Variants in NHEJ1 observed in about 807,000 individuals in gnomAD.
NHEJ1 encodes non-homologous end joining factor 1, also known as non-homologous end-joining factor 1.
A neutral mutation model predicts 39.4 loss-of-function variants in NHEJ1; 22 were observed. The observed-to-expected ratio is 0.56, with a 90% CI of 0.40 to 0.80. The LOEUF (loss-of-function observed/expected upper bound fraction) is 0.80. Among genes scored for constraint, NHEJ1 ranks in the 30% least tolerant of loss-of-function variants. The pLI is 0.00. For synonymous variants in NHEJ1, 154 were observed against 135.6 expected, an observed-to-expected ratio of 1.14 and a Z score of -0.94; for missense variants, 329 against 357.1, an observed-to-expected ratio of 0.92 and a Z score of 0.63.
chr2:219,128,432 T>A (rs906180199), intron 5 of NHEJ1, among the ~76,000 whole-genome samples: 2 of 152,054 alleles, frequency 1.3e-5, no homozygotes, highest in African/African-American at 4.8e-5. Context: ...ATAGGTCTGG[T>A]GGTAGGGGGG....
At chr2:219,143,125 G>A (rs1356138232) in intron 5 of NHEJ1, among the ~76,000 whole-genome samples, 1 of 152,090 alleles carries the variant, frequency 6.6e-6, no homozygotes, top group Non-Finnish European at 1.5e-5. Flanking sequence ...ATGGCCCTCT[G>A]ACACCAGCCC....
intron 5 of NHEJ1, among the ~76,000 whole-genome samples, chr2:219,113,573 A>G (rs1246301045): frequency 2.0e-5 from 3 of 152,186 alleles, no homozygotes; most frequent in Non-Finnish European, 4.4e-5. Context: ...ATAAGTGATA[A>G]GCCTCCAAGT....
intron 5 of NHEJ1, among the ~76,000 whole-genome samples, chr2:219,088,958 G>A (rs556693274): frequency 2.6e-5 from 4 of 151,930 alleles, no homozygotes; most frequent in South Asian, 4.2e-4. Flanking sequence ...GACTACAGGC[G>A]CCCACCACCA....
At chr2:219,084,476 GT>G (rs1334618876) in intron 5 of NHEJ1, among the ~76,000 whole-genome samples, 3 of 152,166 alleles carry the variant, frequency 2.0e-5, no homozygotes, top group African/African-American at 7.2e-5. Flanking sequence ...CCAGTAACCT[GT>G]GGGTAATTCA....
At position 219,117,135 on chromosome 2, in the gene NHEJ1, A is replaced by G. The variant is rs1043926504; in HGVS notation, c.588+29545T>C. ...CCTATCTGCCTGCATCGCCTTTACA[A>G]GCCTCCCAGCCCTGCAGACCATTAT... On this transcript the variant is annotated intron_variant, in intron 5 of 7. Coordinates refer to ENST00000356853, the MANE Select transcript of NHEJ1 (RefSeq NM_024782.3). 2.0e-5 allele frequency among the ~76,000 whole-genome samples: 3 copies of G among 152,014 alleles called. No individual in the cohort carries two copies. The South Asian group carries it at 6.2e-4, about 32-fold the overall frequency.
intron 5 of NHEJ1, among the ~76,000 whole-genome samples, chr2:219,092,235 A>G (rs1473550413): frequency 5.9e-5 from 9 of 151,962 alleles, no homozygotes; most frequent in Admixed American, 2.0e-4. Context: ...TCAAGGCTGC[A>G]GTGAGCTGTG....
At chr2:219,137,227 A>G (rs557026245) in intron 5 of NHEJ1, among the ~76,000 whole-genome samples, 48 of 152,290 alleles carry the variant, frequency 3.2e-4, no homozygotes, top group Non-Finnish European at 5.4e-4. Context: ...TCCAGAGCTC[A>G]AATACTGGTA....
intron 1 of NHEJ1, chr2:219,160,514 ACT>A (rs1409778163): frequency 1.3e-5 from 2 of 152,000 alleles, no homozygotes; most frequent in Admixed American, 6.5e-5. Flanking sequence ...GAGTACCTTC[ACT>A]CGAGCCCTAC....
chr2:219,160,654 C>G (rs931366907), intron 1 of NHEJ1, 66 bp downstream of exon 1: 1 of 152,270 alleles, frequency 6.6e-6, no homozygotes, highest in Non-Finnish European at 1.5e-5. Flanking sequence ...CCAGGGCCAA[C>G]CCGCAGCGTC....
At chr2:219,110,558 T>A (rs906572090) in intron 5 of NHEJ1, among the ~76,000 whole-genome samples, 2 of 144,296 alleles carry the variant, frequency 1.4e-5, no homozygotes, top group African/African-American at 5.1e-5. Context: ...GTATATTGGG[T>A]TATGGTAAGT....
rs59843524 is a variant in NHEJ1, at chr2:219,135,043, T to TAAAAAAA, written c.588+11630_588+11636dup. ...AACAAAAGTGAAACTCCGTCTCAAT[T>TAAAAAAA]AAAAAAAAAAAAAAAATTCAACATG... On this transcript the variant is annotated intron_variant, in intron 5 of 7. Transcript: ENST00000356853. Among the ~76,000 whole-genome samples the TAAAAAAA allele has an allele frequency of 2.3e-3, 258 of 110,420 alleles. 6 individuals carry two copies. Among genetic ancestry groups the TAAAAAAA allele is most frequent in the African/African-American group, 7.7e-3 (224 of 28,960 alleles). The allele number at this position is 110,420 out of a possible 152,430, so 72.4% of individuals were successfully genotyped here.
chr2:219,154,831 T>C (rs142848278), intron 3 of NHEJ1, among the ~76,000 whole-genome samples: 2,117 of 149,174 alleles, frequency 0.014, 25 homozygotes, highest in South Asian at 0.036. Flanking sequence ...GAATAGCTAG[T>C]TTTTCTTTAC....
chr2:219,073,796 C>T lies in NHEJ1; in HGVS notation c.*2585G>A, dbSNP rs934323604. 6.6e-6 allele frequency among the ~76,000 whole-genome samples: 1 copy of T among 152,234 alleles called. No homozygotes were observed. The highest frequency in any genetic ancestry group is 2.4e-5 in the African/African-American group (1 of 41,462). ...GCGGGCGGGTAGGCGGGGAGGTGGG[C>T]CACTGCTTTATTAAACACAGGGAAA... On this transcript the variant is annotated 3_prime_UTR_variant, in exon 8 of 8. Transcript: ENST00000356853.
rs148850576 is a variant in NHEJ1 at position 219,149,468 on chromosome 2, T to C, written c.391-1673A>G. The stretch of plus-strand genomic sequence containing the variant: ...CAGTCTCTACAAAAAATACAAAAAT[T>C]AGCCAGGCATGGTGGCACATGCCTG... On this transcript the variant is annotated intron_variant, in intron 3 of 7. Transcript: ENST00000356853. Among the ~76,000 whole-genome samples, 992 of 151,690 alleles carry C rather than the reference T, an allele frequency of 6.5e-3. 7 individuals are homozygous for C. The highest frequency in any genetic ancestry group is 0.01 in the Non-Finnish European group (703 of 67,876).
chr2:219,088,131 T>A (rs780662660), intron 5 of NHEJ1, among the ~76,000 whole-genome samples: 1 of 152,260 alleles, frequency 6.6e-6, no homozygotes, highest in Non-Finnish European at 1.5e-5. Context: ...GGTGTGGTTA[T>A]AAATTGATAC....
intron 5 of NHEJ1, among the ~76,000 whole-genome samples, chr2:219,110,547 G>C (rs1458372780): frequency 1.1e-4 from 17 of 151,020 alleles, no homozygotes; most frequent in Admixed American, 8.6e-4. Flanking sequence ...AGAAATGTGT[G>C]GTATATTGGG....
chr2:219,095,274 C>T (rs772174316), intron 5 of NHEJ1: 10 of 469,618 alleles, frequency 2.1e-5, no homozygotes, highest in Non-Finnish European at 4.4e-5. Flanking sequence ...AAAAGCTTAC[C>T]ATGATAAAAA....
intron 1 of NHEJ1, among the ~76,000 whole-genome samples, chr2:219,159,588 C>CATATATATATGCAT (rs1949906489): frequency 1.3e-4 from 9 of 69,536 alleles, no homozygotes; most frequent in African/African-American, 7.9e-4. Context: ...TATATATATG[C>CATATATATATGCAT]ATATATATAT....
intron 5 of NHEJ1, among the ~76,000 whole-genome samples, chr2:219,129,452 C>A (rs755599921): frequency 5.3e-5 from 8 of 152,150 alleles, no homozygotes; most frequent in Non-Finnish European, 7.3e-5. Flanking sequence ...CAAGTCCCAC[C>A]TATGACTTTA....
Sources: allele counts gnomAD v4.1 joint callset (sites outside exome capture counted in the v4.1 genomes callset), GRCh38; gene constraint gnomAD v4.1.1; transcripts MANE v1.5; gene names NCBI Gene and HGNC (gene_info 2026-07-23, HGNC 2026-07-21).